SGCZ: variants seen among roughly 807,000 people sequenced by gnomAD.
The protein encoded by SGCZ is zeta-sarcoglycan.
SGCZ carries 40 observed loss-of-function variants against 41.3 expected under a neutral mutation model. The observed-to-expected ratio is 0.97, with a 90% CI of 0.75 to 1.26. The LOEUF (loss-of-function observed/expected upper bound fraction) is 1.26. SGCZ is among the 50% of genes most tolerant of loss of function. The probability of loss-of-function intolerance (pLI) is 0.00; values close to 1 mark genes in which losing one functional copy is unlikely to be tolerated. For synonymous variants in SGCZ, 206 were observed against 137.5 expected (o/e 1.50, Z -3.49); for missense variants, 552 against 369.8 (o/e 1.49, Z -4.04).
intron 3 of SGCZ, among the ~76,000 whole-genome samples, chr8:14,276,061 G>A (rs1462581125): frequency 6.6e-6 from 1 of 152,198 alleles, no homozygotes; most frequent in Admixed American, 6.5e-5. Flanking sequence ...TGTGCTAGAG[G>A]TGGACCTGCT....
chr8:14,428,588 TC>T (rs1475101316), intron 2 of SGCZ, among the ~76,000 whole-genome samples: 16 of 152,350 alleles, frequency 1.1e-4, no homozygotes, highest in African/African-American at 3.6e-4. Flanking sequence ...TTTCTACTGA[TC>T]CGTGAAAGTT....
intron 4 of SGCZ, among the ~76,000 whole-genome samples, chr8:14,214,602 A>C (rs1805928209): frequency 6.6e-6 from 1 of 152,178 alleles, no homozygotes. Flanking sequence ...ATGGATTTAA[A>C]AATGGTTCAG....
At chr8:14,463,689 A>C (rs2116959108) in intron 2 of SGCZ, among the ~76,000 whole-genome samples, 1 of 151,888 alleles carries the variant, frequency 6.6e-6, no homozygotes, top group South Asian at 2.1e-4. Flanking sequence ...AGGCACTATC[A>C]GGTCTTGTTC....
chr8:14,985,630 T>C (rs1433198792), intron 1 of SGCZ, among the ~76,000 whole-genome samples: 3 of 152,182 alleles, frequency 2.0e-5, no homozygotes, highest in Non-Finnish European at 2.9e-5. Flanking sequence ...AAATGAATTG[T>C]TGCATTGTGT....
At chr8:14,104,804 T>C (rs1157417252) in intron 6 of SGCZ, among the ~76,000 whole-genome samples, 2 of 152,110 alleles carry the variant, frequency 1.3e-5, no homozygotes, top group Non-Finnish European at 2.9e-5. Flanking sequence ...CTGCAAACCT[T>C]AATATTTCTG....
At chr8:14,404,774 T>C (rs975250604) in intron 2 of SGCZ, among the ~76,000 whole-genome samples, 1 of 152,168 alleles carries the variant, frequency 6.6e-6, no homozygotes. Context: ...TCTGCTCTTA[T>C]CTCAAGGTGC....
At chr8:14,361,993 C>G (rs895778608) in intron 2 of SGCZ, among the ~76,000 whole-genome samples, 6 of 152,160 alleles carry the variant, frequency 3.9e-5, no homozygotes, top group Non-Finnish European at 8.8e-5. Context: ...ACCCTGCTTG[C>G]CTGGGTATCA....
chr8:15,117,307 C>T (rs889999540), intron 1 of SGCZ, among the ~76,000 whole-genome samples: 3 of 150,806 alleles, frequency 2.0e-5, no homozygotes, highest in African/African-American at 2.4e-5. Context: ...CGCGGTGAGC[C>T]GAGATCACAC....
At chr8:14,775,140 G>C (rs1034750014) in intron 1 of SGCZ, among the ~76,000 whole-genome samples, 3 of 152,142 alleles carry the variant, frequency 2.0e-5, no homozygotes, top group Non-Finnish European at 4.4e-5. Context: ...ACTTCAGCTA[G>C]GTCTTATGCC....
intron 7 of SGCZ, among the ~76,000 whole-genome samples, chr8:14,102,102 ATAATT>A (rs1484147797): frequency 4.3e-4 from 38 of 87,770 alleles, no homozygotes; most frequent in African/African-American, 7.2e-4. Context: ...ATATATATAT[ATAATT>A]TTTTTTTTTT....
At chr8:14,373,046 A>G (rs892099279) in intron 2 of SGCZ, among the ~76,000 whole-genome samples, 2 of 152,212 alleles carry the variant, frequency 1.3e-5, no homozygotes, top group African/African-American at 2.4e-5. Flanking sequence ...TGCAAAGAAC[A>G]GAAGGAGAAG....
At chr8:14,372,200 C>T (rs1006937194) in intron 2 of SGCZ, among the ~76,000 whole-genome samples, 1 of 151,958 alleles carries the variant, frequency 6.6e-6, no homozygotes. Context: ...GTAAGTAGGT[C>T]CAATATTAAC....
At chr8:14,254,449 G>C (rs902966914) in intron 3 of SGCZ, among the ~76,000 whole-genome samples, 1 of 152,182 alleles carries the variant, frequency 6.6e-6, no homozygotes. Context: ...GGTGTAGGTA[G>C]AGCATTAGGG....
At chr8:14,150,477 C>G (rs1402282664) in intron 5 of SGCZ, among the ~76,000 whole-genome samples, 2 of 152,156 alleles carry the variant, frequency 1.3e-5, no homozygotes, top group African/African-American at 4.8e-5. Flanking sequence ...GAGATGTCAT[C>G]TTACCTGTTA....
chr8:14,588,183 C>G (rs1327882141), intron 1 of SGCZ, among the ~76,000 whole-genome samples: 1 of 111,728 alleles, frequency 9.0e-6, no homozygotes, highest in Non-Finnish European at 1.8e-5. Context: ...TCAGGAATAG[C>G]CATTGATTAC....
intron 1 of SGCZ, among the ~76,000 whole-genome samples, chr8:14,737,542 G>A (rs900214147): frequency 6.6e-5 from 10 of 152,076 alleles, no homozygotes; most frequent in Admixed American, 4.6e-4. Context: ...GGCACTGAGT[G>A]TGTGGCTTAA....
chr8:14,674,928 G>GTTTTTTTTTTT (rs201881681), intron 1 of SGCZ, among the ~76,000 whole-genome samples: 10 of 71,010 alleles, frequency 1.4e-4, no homozygotes, highest in East Asian at 4.9e-4. Flanking sequence ...TTTCTTTTCT[G>GTTTTTTTTTTT]TTTTTTTTTT....
chr8:14,824,487 A>T (rs1802223013), intron 1 of SGCZ, among the ~76,000 whole-genome samples: 1 of 152,100 alleles, frequency 6.6e-6, no homozygotes, highest in African/African-American at 2.4e-5. Flanking sequence ...ATATTTCCAT[A>T]TCATAATTTT....
intron 3 of SGCZ, among the ~76,000 whole-genome samples, chr8:14,312,925 T>A (rs541824282): frequency 3.3e-5 from 5 of 152,124 alleles, no homozygotes; most frequent in Non-Finnish European, 5.9e-5. Flanking sequence ...AATAATAGAA[T>A]TCTATAGACA....
Sources: allele counts gnomAD v4.1 joint callset (sites outside exome capture counted in the v4.1 genomes callset), GRCh38; gene constraint gnomAD v4.1.1; transcripts MANE v1.5; gene names NCBI Gene and HGNC (gene_info 2026-07-23, HGNC 2026-07-21).